TMTC2: variants seen among roughly 807,000 people sequenced by gnomAD.
TMTC2 encodes protein O-mannosyl-transferase TMTC2.
In TMTC2, 43 loss-of-function variants were observed where a neutral mutation model predicts 82.4. That is an observed-to-expected ratio of 0.52 (90% CI 0.41 to 0.67). TMTC2 has a LOEUF of 0.67. TMTC2 is among the 30% of genes least tolerant of loss of function. The pLI is 0.00. For synonymous variants in TMTC2, 408 were observed against 381.9 expected (o/e 1.07, Z -0.80); for missense variants, 919 against 1,012.4 (o/e 0.91, Z 1.25).
Position 83,132,458 on chromosome 12 carries a change from G to A in TMTC2, c.*69G>A, listed in dbSNP as rs924097200. On this transcript the variant is annotated 3_prime_UTR_variant, in exon 12 of 12. Transcript: ENST00000321196. ...CTTCCTTAGCAGACAGAACTTCCCA[G>A]CAGTGCTATGACAAGAGCTGGTGTT... The A allele has an allele frequency of 1.3e-6, 2 of 1,551,976 alleles. No individual in the cohort carries two copies. Among genetic ancestry groups the A allele is most frequent in the Non-Finnish European group, 1.8e-6 (2 of 1,137,040 alleles).
chr12:82,941,330 T>G (rs1325026175), intron 4 of TMTC2, among the ~76,000 whole-genome samples: 1 of 152,128 alleles, frequency 6.6e-6, no homozygotes, highest in Non-Finnish European at 1.5e-5. Context: ...TGTACCATTT[T>G]CCCCTAGCAC....
At chr12:82,700,879 C>T (rs1273717217) in intron 1 of TMTC2, among the ~76,000 whole-genome samples, 2 of 152,074 alleles carry the variant, frequency 1.3e-5, no homozygotes, top group Non-Finnish European at 1.5e-5. Context: ...GGAGGCCTCA[C>T]AATCATGGCA....
chr12:82,763,462 C>T (rs12423189), intron 1 of TMTC2, among the ~76,000 whole-genome samples: 2 of 152,164 alleles, frequency 1.3e-5, no homozygotes, highest in Non-Finnish European at 2.9e-5. Flanking sequence ...ATTGTGATGC[C>T]TACAGCCTGA....
intron 2 of TMTC2, among the ~76,000 whole-genome samples, chr12:82,867,237 G>T (rs956934016): frequency 6.6e-6 from 1 of 152,098 alleles, no homozygotes; most frequent in Non-Finnish European, 1.5e-5. Flanking sequence ...CAGTAATTAT[G>T]GTCTTGATTA....
chr12:82,835,780 C>T (rs922144372), intron 1 of TMTC2, among the ~76,000 whole-genome samples: 28 of 152,236 alleles, frequency 1.8e-4, no homozygotes, highest in African/African-American at 6.3e-4. Context: ...GTTGGTAAAT[C>T]GCTGTTGCTC....
chr12:82,962,300 C>T lies in TMTC2; in HGVS notation c.1599-2724C>T, dbSNP rs117158336. ...TTCCCTTCATGTTCATTCCATCTAG[C>T]CTAATAGCATGTTTGCCCTTTAGGA... On this transcript the variant is annotated intron_variant, in intron 4 of 11. Transcript: ENST00000321196. Among the ~76,000 whole-genome samples the T allele has an allele frequency of 4.7e-3, 715 of 152,030 alleles. 4 individuals carry two copies. The highest frequency in any genetic ancestry group is 7.6e-3 in the Non-Finnish European group (517 of 67,952).
At chr12:83,063,799 A>T (rs1255134198) in intron 11 of TMTC2, among the ~76,000 whole-genome samples, 1 of 151,938 alleles carries the variant, frequency 6.6e-6, no homozygotes, top group Non-Finnish European at 1.5e-5. Flanking sequence ...TAGGAGCTAC[A>T]ATCTAGTCTG....
At chr12:82,955,954 C>T (rs987052551) in intron 4 of TMTC2, among the ~76,000 whole-genome samples, 1 of 151,940 alleles carries the variant, frequency 6.6e-6, no homozygotes, top group Non-Finnish European at 1.5e-5. Context: ...CCAAAAGGCA[C>T]TTTAAATTCA....
At chr12:83,039,225 G>A (rs910160630) in intron 9 of TMTC2, among the ~76,000 whole-genome samples, 2 of 151,988 alleles carry the variant, frequency 1.3e-5, no homozygotes, top group East Asian at 1.9e-4. Context: ...AAGCCACCAC[G>A]CCTGGCCAAG....
At chr12:83,035,494 T>C (rs2137430985) in intron 9 of TMTC2, among the ~76,000 whole-genome samples, 1 of 152,316 alleles carries the variant, frequency 6.6e-6, no homozygotes, top group South Asian at 2.1e-4. Context: ...CGATTTCTTG[T>C]TGTTTGTAAC....
chr12:82,896,672 C>A (rs747103203), intron 3 of TMTC2, 26 bp downstream of exon 3: 3 of 1,549,704 alleles, frequency 1.9e-6, no homozygotes, highest in South Asian at 2.5e-5. Context: ...ATGCTTTTGT[C>A]TGGATAGTTT....
intron 3 of TMTC2, among the ~76,000 whole-genome samples, chr12:82,926,626 C>A (rs1386655913): frequency 1.3e-5 from 2 of 152,056 alleles, no homozygotes; most frequent in Non-Finnish European, 2.9e-5. Flanking sequence ...GAAGAAGATA[C>A]CATATAAGAC....
At chr12:82,704,552 C>A (rs974485093) in intron 1 of TMTC2, among the ~76,000 whole-genome samples, 4 of 151,606 alleles carry the variant, frequency 2.6e-5, no homozygotes, top group Admixed American at 6.6e-5. Context: ...TAGAAACAGG[C>A]ATAAGTAACT....
At chr12:82,817,151 G>A (rs1313414116) in intron 1 of TMTC2, among the ~76,000 whole-genome samples, 3 of 151,428 alleles carry the variant, frequency 2.0e-5, no homozygotes, top group African/African-American at 7.3e-5. Context: ...GTATTTTTAG[G>A]AGAGATGGGG....
intron 3 of TMTC2, among the ~76,000 whole-genome samples, chr12:82,919,427 A>G: frequency 6.6e-6 from 1 of 152,204 alleles, no homozygotes; most frequent in Middle Eastern, 3.2e-3. Flanking sequence ...CCCAAAATTT[A>G]TGTCCTTCTT....
At chr12:83,085,719 A>G (rs1475519964) in intron 11 of TMTC2, among the ~76,000 whole-genome samples, 1 of 152,198 alleles carries the variant, frequency 6.6e-6, no homozygotes, top group Non-Finnish European at 1.5e-5. Context: ...TCCAATTAAG[A>G]CTGATAAGAA....
At chr12:83,090,282 A>G (rs1164179269) in intron 11 of TMTC2, among the ~76,000 whole-genome samples, 2 of 152,250 alleles carry the variant, frequency 1.3e-5, no homozygotes, top group African/African-American at 4.8e-5. Flanking sequence ...AACCAATTAC[A>G]GTTAGAGAAA....
chr12:82,902,641 C>T (rs1315397991), intron 3 of TMTC2, among the ~76,000 whole-genome samples: 1 of 152,156 alleles, frequency 6.6e-6, no homozygotes, highest in African/African-American at 2.4e-5. Context: ...CAAGTCAGGG[C>T]ATGGTGTTCC....
intron 1 of TMTC2, among the ~76,000 whole-genome samples, chr12:82,839,016 A>G (rs899023915): frequency 3.9e-4 from 60 of 152,154 alleles, no homozygotes; most frequent in African/African-American, 1.4e-3. Flanking sequence ...TGATTCTGTT[A>G]CTGAGGCTGC....
Sources: gnomAD v4.1 joint callset for allele counts (sites outside exome capture counted in the v4.1 genomes callset) on GRCh38, gnomAD v4.1.1 for gene constraint, MANE v1.5 for transcripts, NCBI Gene and HGNC (gene_info 2026-07-23, HGNC 2026-07-21) for gene names.